The following FOCAD variants were observed in gnomAD, a reference collection of about 807,000 sequenced individuals.
FOCAD encodes the protein focadhesin, also known as KIAA1797.
Under a neutral mutation model 225.6 loss-of-function variants are expected in FOCAD, and 198 were observed. The ratio of observed to expected loss-of-function variants is 0.88; its 90% CI spans 0.78 to 0.99. FOCAD has a LOEUF of 0.99. Among genes scored for constraint, FOCAD ranks in the 50% least tolerant of loss-of-function variants. The pLI is 0.00. For missense variants in FOCAD, 2,713 were observed against 2,123.6 expected (o/e 1.28, Z -5.46); for synonymous variants, 897 against 755.0 (o/e 1.19, Z -3.08).
chr9:20,706,174 A>G lies in FOCAD; in HGVS notation c.-32-9148A>G, dbSNP rs1307791937. Reference sequence around the variant, plus strand: ...GGTCTCAAACTCTTGGGCTCAAGTGATCCTCTTGTCTTGACCTCCCAAAGT... The same window carrying G: ...GGTCTCAAACTCTTGGGCTCAAGTGGTCCTCTTGTCTTGACCTCCCAAAGT... On this transcript the variant is annotated intron_variant, in intron 1 of 43. Transcript: ENST00000338382. Among the ~76,000 whole-genome samples the G allele has an allele frequency of 8.6e-5, 13 of 151,876 alleles. 1 individual carries two copies. The highest frequency in any genetic ancestry group is 1.6e-4 in the Non-Finnish European group (11 of 67,992).
Position 20,806,420 on chromosome 9 carries a change from A to G in FOCAD, c.1456-13376A>G, listed in dbSNP as rs117723188. ...TGAAGATGCTAGGAATCTGGAACCCAGAACTAATTTTGTAGGCGGCTTGTC... is the reference window on the plus strand; with the variant it reads ...TGAAGATGCTAGGAATCTGGAACCCGGAACTAATTTTGTAGGCGGCTTGTC... On this transcript the variant is annotated intron_variant, in intron 11 of 43. Transcript: ENST00000338382. Among the ~76,000 whole-genome samples the G allele has an allele frequency of 8.1e-3, 1,241 of 152,276 alleles. 11 individuals carry two copies. Among genetic ancestry groups the G allele is most frequent in the Non-Finnish European group, 0.014 (944 of 68,016 alleles).
intron 15 of FOCAD, among the ~76,000 whole-genome samples, chr9:20,833,817 C>G (rs567506341): frequency 6.6e-6 from 1 of 152,084 alleles, no homozygotes; most frequent in East Asian, 1.9e-4. Flanking sequence ...AATGTGCACA[C>G]CACTGGAATC....
At chr9:20,701,641 CAAT>C in intron 1 of FOCAD, among the ~76,000 whole-genome samples, 1 of 152,094 alleles carries the variant, frequency 6.6e-6, no homozygotes, top group South Asian at 2.1e-4. Context: ...ACTGAACAGT[CAAT>C]GATGAAATAA....
At chr9:20,781,510 A>G (rs1019241613) in intron 9 of FOCAD, among the ~76,000 whole-genome samples, 5 of 152,182 alleles carry the variant, frequency 3.3e-5, no homozygotes, top group African/African-American at 4.8e-5. Context: ...AGTATCATCA[A>G]TTTTTCAGTT....
Position 20,932,869 on chromosome 9 carries a change from G to T in FOCAD, c.3318-145G>T, listed in dbSNP as rs2383171. ...TTTCTGTAACTACCAAATAAGAATA[G>T]GCAACTCATCAATATTGTCACTTTT... On this transcript the variant is annotated intron_variant, in intron 27 of 43. Coordinates refer to ENST00000338382, the MANE Select transcript of FOCAD (RefSeq NM_001375567.1). The T allele has an allele frequency of 0.27, 161,935 of 594,328 alleles. 23,056 individuals are homozygous for T. Among genetic ancestry groups the T allele is most frequent in the South Asian group, 0.34 (15,170 of 44,472 alleles). 36.8% of individuals were successfully genotyped at this position (594,328 alleles called of 1,614,324 possible). A position where few individuals can be genotyped will look rare whatever the true frequency, so the allele number is the denominator to read the frequency against.
At chr9:20,914,807 G>A (rs1410264513) in intron 23 of FOCAD, among the ~76,000 whole-genome samples, 1 of 152,172 alleles carries the variant, frequency 6.6e-6, no homozygotes, top group African/African-American at 2.4e-5. Context: ...CACTCCAGCT[G>A]TTATGTTGAA....
intron 26 of FOCAD, among the ~76,000 whole-genome samples, chr9:20,927,210 C>G (rs1835038907): frequency 6.6e-6 from 1 of 152,056 alleles, no homozygotes; most frequent in Non-Finnish European, 1.5e-5. Flanking sequence ...AGTTTCTAGT[C>G]ATAGATTTTT....
upstream of FOCAD, among the ~76,000 whole-genome samples, chr9:20,680,613 G>GGT (rs1822373264): frequency 6.6e-6 from 1 of 152,054 alleles, no homozygotes; most frequent in African/African-American, 2.4e-5. Context: ...CTATTCAATA[G>GGT]GTATGCAGTA....
chr9:20,809,266 C>T (rs559951685), intron 11 of FOCAD, among the ~76,000 whole-genome samples: 1 of 152,092 alleles, frequency 6.6e-6, no homozygotes, highest in African/African-American at 2.4e-5. Context: ...ACAGCTTTGT[C>T]CAAAAGAACT....
intron 35 of FOCAD, among the ~76,000 whole-genome samples, chr9:20,965,657 A>G (rs1479072035): frequency 6.6e-6 from 1 of 152,298 alleles, no homozygotes; most frequent in East Asian, 1.9e-4. Context: ...CCCCAAGAGG[A>G]AACATTAAGC....
chr9:20,831,740 A>G (rs1057112777), intron 15 of FOCAD, among the ~76,000 whole-genome samples: 1 of 152,050 alleles, frequency 6.6e-6, no homozygotes, highest in Non-Finnish European at 1.5e-5. Context: ...TCACCTATCT[A>G]TAGTGCATAA....
intron 28 of FOCAD, among the ~76,000 whole-genome samples, chr9:20,934,605 A>G (rs1587656085): frequency 6.6e-6 from 1 of 151,192 alleles, no homozygotes; most frequent in Non-Finnish European, 1.5e-5. Context: ...CTATGTGCCT[A>G]GTTTTATACC....
intron 42 of FOCAD, among the ~76,000 whole-genome samples, chr9:20,991,128 G>T (rs1203246735): frequency 6.6e-6 from 1 of 152,170 alleles, no homozygotes; most frequent in Admixed American, 6.5e-5. Context: ...ACTTTGAATT[G>T]TTAAAACATA....
chr9:20,911,892 T>C (rs771218563), intron 22 of FOCAD, among the ~76,000 whole-genome samples: 8 of 152,044 alleles, frequency 5.3e-5, no homozygotes, highest in Non-Finnish European at 8.8e-5. Flanking sequence ...AGTAGAGAAA[T>C]GGACAGAATA....
chr9:20,911,516 T>C (rs1833437666), intron 22 of FOCAD, among the ~76,000 whole-genome samples: 2 of 152,168 alleles, frequency 1.3e-5, no homozygotes, highest in South Asian at 2.1e-4. Context: ...TCAGGAGATA[T>C]TTAGATAAAT....
chr9:20,910,356 C>G (rs1396247199), intron 22 of FOCAD, among the ~76,000 whole-genome samples: 1 of 152,028 alleles, frequency 6.6e-6, no homozygotes, highest in Non-Finnish European at 1.5e-5. Context: ...GGTATGAAAG[C>G]AAATTGACTG....
chr9:20,719,273 G>C (rs913058118), intron 3 of FOCAD, among the ~76,000 whole-genome samples: 1 of 152,042 alleles, frequency 6.6e-6, no homozygotes, highest in Non-Finnish European at 1.5e-5. Context: ...AGTAGAGACT[G>C]GGTTTCACCA....
chr9:20,914,061 T>C (rs1230561686), intron 23 of FOCAD, among the ~76,000 whole-genome samples: 1 of 148,910 alleles, frequency 6.7e-6, no homozygotes, highest in Non-Finnish European at 1.5e-5. Flanking sequence ...GCCCAAGAGT[T>C]CAAGGCCAGC....
At position 20,913,145 on chromosome 9, in the gene FOCAD, T is replaced by TACACACAC. The variant is rs56856864; in HGVS notation, c.2807+228_2807+235dup. On this transcript the variant is annotated intron_variant, in intron 23 of 43. Coordinates refer to ENST00000338382, the MANE Select transcript of FOCAD (RefSeq NM_001375567.1). ...GAGAGCTTTATTTATAAATTATACATACACACACACACACACACACACACA... is the reference window on the plus strand; with the variant it reads ...GAGAGCTTTATTTATAAATTATACATACACACACACACACACACACACACACACACACA... Among the ~76,000 whole-genome samples, 1,295 of 137,308 alleles carry TACACACAC rather than the reference T, an allele frequency of 9.4e-3. 21 individuals are homozygous for TACACACAC. Among genetic ancestry groups the TACACACAC allele is most frequent in the East Asian group, 0.06 (273 of 4,568 alleles). The allele number at this position is 137,308 out of a possible 152,430, so 90.1% of individuals were successfully genotyped here.
Sources: gnomAD v4.1 joint callset for allele counts (sites outside exome capture counted in the v4.1 genomes callset) on GRCh38, gnomAD v4.1.1 for gene constraint, MANE v1.5 for transcripts, NCBI Gene and HGNC (gene_info 2026-07-23, HGNC 2026-07-21) for gene names.